Variants in CYP2J2 observed in about 807,000 individuals in gnomAD.
The protein encoded by CYP2J2 is cytochrome P450 family 2 subfamily J member 2.
CYP2J2 carries 41 observed loss-of-function variants against 48.8 expected under a neutral mutation model. The ratio of observed to expected loss-of-function variants is 0.84; its 90% CI spans 0.66 to 1.09. The LOEUF (loss-of-function observed/expected upper bound fraction) is 1.09. Ranked by LOEUF, CYP2J2 falls within the 50% of genes least tolerant of loss-of-function variation. The pLI, the probability that CYP2J2 is intolerant of heterozygous loss-of-function variation, is 0.00. For missense variants in CYP2J2, 644 were observed against 617.3 expected (o/e 1.04, Z -0.46); for synonymous variants, 221 against 227.1 (o/e 0.97, Z 0.24).
chr1:59,961,161 CTT>C, the CYP2J2 span, among the ~76,000 whole-genome samples: 28 of 152,046 alleles, frequency 1.8e-4, no homozygotes, highest in Admixed American at 1.8e-3. Flanking sequence ...AAATTAAAAA[CTT>C]TTGTGTTTCA....
chr1:59,908,998 T>A (rs940378144), intron 5 of CYP2J2, among the ~76,000 whole-genome samples: 30 of 152,310 alleles, frequency 2.0e-4, no homozygotes, highest in African/African-American at 7.2e-4. Context: ...TAGGCCCAAC[T>A]AATGATAGAA....
chr1:59,912,761 C>T (rs1053356013), intron 2 of CYP2J2: 3 of 161,730 alleles, frequency 1.9e-5, no homozygotes, highest in African/African-American at 7.2e-5. Context: ...TTATGCTAAA[C>T]ACTAGGAATG....
chr1:59,952,281 C>T, the CYP2J2 span, among the ~76,000 whole-genome samples: 1 of 151,720 alleles, frequency 6.6e-6, no homozygotes, highest in African/African-American at 2.4e-5. Context: ...CAGGGGTCAA[C>T]CAGTTGCCAA....
chr1:59,893,461 A>C lies in CYP2J2; in HGVS notation c.*190T>G. On this transcript the variant is annotated 3_prime_UTR_variant, in exon 9 of 9. Coordinates refer to ENST00000371204, the MANE Select transcript of CYP2J2 (RefSeq NM_000775.4). ...AGGTAAATTATTTAGCATATAAATG[A>C]TTTTCCCAAGGCTAATTCGGACGAG... is the stretch of plus-strand genomic sequence containing the variant. 1 of 485,136 alleles carries C rather than the reference A, an allele frequency of 2.1e-6. No individual in the cohort carries two copies. Among genetic ancestry groups the C allele is most frequent in the Non-Finnish European group, 3.6e-6 (1 of 274,424 alleles). 30.1% of individuals were successfully genotyped at this position (485,136 alleles called of 1,614,324 possible).
upstream of CYP2J2, among the ~76,000 whole-genome samples, chr1:59,930,859 CA>C (rs1413440705): frequency 3.3e-5 from 5 of 152,006 alleles, no homozygotes; most frequent in African/African-American, 7.2e-5. Flanking sequence ...TGACCCTAGG[CA>C]GTAATTAGAC....
At chr1:59,960,232 T>C in the CYP2J2 span, among the ~76,000 whole-genome samples, 1 of 152,158 alleles carries the variant, frequency 6.6e-6, no homozygotes, top group African/African-American at 2.4e-5. Flanking sequence ...ATTATTAGGT[T>C]AACTATCATA....
At chr1:59,938,618 C>T in the CYP2J2 span, among the ~76,000 whole-genome samples, 4 of 152,208 alleles carry the variant, frequency 2.6e-5, no homozygotes, top group African/African-American at 7.2e-5. Context: ...AATGTACAAT[C>T]GGGTTTTATA....
intron 8 of CYP2J2, among the ~76,000 whole-genome samples, chr1:59,899,573 C>T (rs1030846395): frequency 6.6e-6 from 1 of 152,196 alleles, no homozygotes; most frequent in Non-Finnish European, 1.5e-5. Context: ...TCGTGCATTC[C>T]ACAGTGTGGG....
chr1:59,909,450 C>CA (rs1644392360), intron 5 of CYP2J2, among the ~76,000 whole-genome samples: 1 of 152,140 alleles, frequency 6.6e-6, no homozygotes, highest in Admixed American at 6.5e-5. Context: ...AGGATGGAAG[C>CA]AGATACCAGA....
chr1:59,953,317 CCT>C, the CYP2J2 span, among the ~76,000 whole-genome samples: 1 of 152,086 alleles, frequency 6.6e-6, no homozygotes, highest in East Asian at 1.9e-4. Context: ...TTGGGCACCC[CCT>C]CTGTGCTAGA....
intron 1 of CYP2J2, among the ~76,000 whole-genome samples, chr1:59,916,344 T>C (rs1457286389): frequency 6.6e-6 from 1 of 152,178 alleles, no homozygotes; most frequent in East Asian, 1.9e-4. Context: ...GAATGTTTCT[T>C]TATAAATATC....
intron 8 of CYP2J2, among the ~76,000 whole-genome samples, chr1:59,895,626 A>C (rs1644261966): frequency 6.6e-6 from 1 of 151,924 alleles, no homozygotes; most frequent in Non-Finnish European, 1.5e-5. Context: ...TTGACCATAT[A>C]TATTTTTTTG....
At chr1:59,935,009 T>TAC in the CYP2J2 span, among the ~76,000 whole-genome samples, 36 of 39,956 alleles carry the variant, frequency 9.0e-4, 1 homozygote, top group South Asian at 5.6e-3. Flanking sequence ...TATATATATA[T>TAC]ATATACATAT....
At chr1:59,899,631 C>A (rs998761235) in intron 8 of CYP2J2, among the ~76,000 whole-genome samples, 3 of 152,214 alleles carry the variant, frequency 2.0e-5, no homozygotes, top group African/African-American at 7.2e-5. Context: ...AGCAAGAACA[C>A]CCACTTTAGT....
rs1559070288 is a variant in CYP2J2, at chr1:59,893,680, G to A, written c.1480C>T (p.His494Tyr). ...RMGITISPVS[H>Y]RLCAVPQV Reference sequence around the variant, plus strand: ...ACCTGAGGAACAGCGCAGAGGCGGTGACTGACTGGGGAAATGGTGATACCC... The same window carrying A: ...ACCTGAGGAACAGCGCAGAGGCGGTAACTGACTGGGGAAATGGTGATACCC... Residue 494 changes from histidine (H) to tyrosine (Y), a missense_variant, in exon 9 of 9, where the codon CAC (histidine) becomes TAC (tyrosine). By Grantham distance (83) the His-to-Tyr change is moderately conservative. Coordinates refer to ENST00000371204, the MANE Select transcript of CYP2J2 (RefSeq NM_000775.4). 1 of 1,612,746 alleles carries A rather than the reference G, an allele frequency of 6.2e-7. No homozygotes were observed. Among genetic ancestry groups the A allele is most frequent in the Non-Finnish European group, 8.5e-7 (1 of 1,179,400 alleles).
At chr1:59,917,599 T>A (rs1172386779) in intron 1 of CYP2J2, among the ~76,000 whole-genome samples, 1 of 151,856 alleles carries the variant, frequency 6.6e-6, no homozygotes, top group Non-Finnish European at 1.5e-5. Context: ...AGAGTGAAAG[T>A]AAGAATGAGT....
At position 59,916,224 on chromosome 1, in the gene CYP2J2, CGTGT is replaced by C. The variant is rs147421653; in HGVS notation, c.211-128_211-125del. On this transcript the variant is annotated intron_variant, in intron 1 of 8. Transcript: ENST00000371204. ...GCGTGTGTCTGTGTCTGTGTGTGTA[CGTGT>C]GTGTGTGTGTGTGTGTGAGTGAGTG... is the stretch of plus-strand genomic sequence containing the variant. The C allele has an allele frequency of 8.5e-4, 511 of 599,582 alleles. 1 individual carries two copies. The highest frequency in any genetic ancestry group is 1.2e-3 in the South Asian group (51 of 41,918). 37.1% of individuals were successfully genotyped at this position (599,582 alleles called of 1,614,324 possible).
chr1:59,903,820 T>A (rs919391335), intron 7 of CYP2J2, among the ~76,000 whole-genome samples: 1 of 152,186 alleles, frequency 6.6e-6, no homozygotes, highest in Non-Finnish European at 1.5e-5. Context: ...ACAGAACAGA[T>A]CTGCTTCCAG....
the CYP2J2 span, among the ~76,000 whole-genome samples, chr1:59,932,646 G>C: frequency 3.3e-5 from 5 of 151,518 alleles, no homozygotes; most frequent in Non-Finnish European, 7.4e-5. Flanking sequence ...ATACAGAAAG[G>C]AAGAATACCA....
Sources: gnomAD v4.1 joint callset for allele counts (sites outside exome capture counted in the v4.1 genomes callset) on GRCh38, gnomAD v4.1.1 for gene constraint, MANE v1.5 for transcripts, NCBI Gene and HGNC (gene_info 2026-07-23, HGNC 2026-07-21) for gene names.